Variants in SEMA6D observed in about 807,000 individuals in gnomAD.
SEMA6D encodes the protein semaphorin-6D.
A neutral mutation model predicts 106.6 loss-of-function variants in SEMA6D; 35 were observed. The ratio of observed to expected loss-of-function variants is 0.33; its 90% CI spans 0.25 to 0.44. The LOEUF (loss-of-function observed/expected upper bound fraction) is 0.44, where lower values mean the gene tolerates loss of function less well. Among genes scored for constraint, SEMA6D ranks in the 20% least tolerant of loss-of-function variants. The probability of loss-of-function intolerance (pLI) is 1.00; values close to 1 mark genes in which losing one functional copy is unlikely to be tolerated. For missense variants in SEMA6D, 1,185 were observed against 1,345.9 expected (o/e 0.88, Z 1.87); for synonymous variants, 499 against 487.7 (o/e 1.02, Z -0.31).
intron 4 of SEMA6D, among the ~76,000 whole-genome samples, chr15:47,629,240 T>C (rs1014172747): frequency 2.6e-5 from 4 of 152,026 alleles, no homozygotes; most frequent in African/African-American, 9.7e-5. Flanking sequence ...TTTTTCAGTA[T>C]TATTTTAGCT....
intron 3 of SEMA6D, among the ~76,000 whole-genome samples, chr15:47,526,821 C>T (rs1056665182): frequency 1.3e-5 from 2 of 152,104 alleles, no homozygotes; most frequent in Admixed American, 6.5e-5. Context: ...ACTGCAACCT[C>T]CGCCTCCCGG....
chr15:47,632,971 T>C (rs916884661), intron 4 of SEMA6D, among the ~76,000 whole-genome samples: 1 of 152,044 alleles, frequency 6.6e-6, no homozygotes, highest in Admixed American at 6.6e-5. Context: ...ATATAACTTA[T>C]CATAGTCTAC....
intron 1 of SEMA6D, among the ~76,000 whole-genome samples, chr15:47,336,675 A>G (rs1301451297): frequency 6.6e-6 from 1 of 152,162 alleles, no homozygotes; most frequent in Non-Finnish European, 1.5e-5. Context: ...AATGGTTTAT[A>G]CAGGAGTGTG....
intron 1 of SEMA6D, among the ~76,000 whole-genome samples, chr15:47,720,489 G>A (rs1286834624): frequency 6.6e-6 from 1 of 152,016 alleles, no homozygotes; most frequent in African/African-American, 2.4e-5. Context: ...TTGAAAGATG[G>A]CTGTGATGTA....
chr15:47,669,062 A>C (rs112142675), intron 4 of SEMA6D, among the ~76,000 whole-genome samples: 216 of 152,150 alleles, frequency 1.4e-3, no homozygotes, highest in African/African-American at 5.0e-3. Flanking sequence ...CTATTTTTCT[A>C]TCTCTCTTTT....
At chr15:47,424,738 C>T (rs1015606038) in intron 2 of SEMA6D, among the ~76,000 whole-genome samples, 2 of 152,194 alleles carry the variant, frequency 1.3e-5, no homozygotes, top group Admixed American at 6.5e-5. Flanking sequence ...GAATTTTTCC[C>T]TTCCACTTCT....
At chr15:47,418,478 G>T (rs1451408397) in intron 2 of SEMA6D, among the ~76,000 whole-genome samples, 3 of 151,996 alleles carry the variant, frequency 2.0e-5, no homozygotes, top group Admixed American at 6.6e-5. Flanking sequence ...TTCATAGGCC[G>T]AGCCTTCTGT....
intron 2 of SEMA6D, among the ~76,000 whole-genome samples, chr15:47,454,330 A>G (rs893690097): frequency 6.6e-6 from 1 of 151,936 alleles, no homozygotes; most frequent in African/African-American, 2.4e-5. Flanking sequence ...CAATTTTACA[A>G]CTTGTCATTT....
intron 1 of SEMA6D, among the ~76,000 whole-genome samples, chr15:47,277,201 A>T (rs1242960232): frequency 6.6e-6 from 1 of 152,162 alleles, no homozygotes; most frequent in African/African-American, 2.4e-5. Context: ...TGTTATGAAC[A>T]TTGTTGAAAT....
At chr15:47,738,744 A>T (rs1402357822) in intron 1 of SEMA6D, among the ~76,000 whole-genome samples, 1 of 152,218 alleles carries the variant, frequency 6.6e-6, no homozygotes, top group African/African-American at 2.4e-5. Flanking sequence ...CTTAGTGCTT[A>T]AAACTACCAC....
intron 3 of SEMA6D, among the ~76,000 whole-genome samples, chr15:47,590,216 TC>T (rs1263982750): frequency 2.0e-5 from 3 of 152,098 alleles, no homozygotes; most frequent in Non-Finnish European, 2.9e-5. Flanking sequence ...AAGAATGAGT[TC>T]ATGTCCTTTG....
intron 1 of SEMA6D, among the ~76,000 whole-genome samples, chr15:47,719,164 T>C (rs955119020): frequency 2.0e-5 from 3 of 146,370 alleles, no homozygotes; most frequent in Admixed American, 2.0e-4. Context: ...GGGGTGGGGG[T>C]GTGGAGGGGG....
chr15:47,760,242 C>A, intron 2 of SEMA6D, 62 bp from the exon 3 acceptor site: 1 of 1,139,540 alleles, frequency 8.8e-7, no homozygotes, highest in Non-Finnish European at 1.3e-6. Flanking sequence ...CTAATCAATG[C>A]TGTTTATTGA....
intron 1 of SEMA6D, among the ~76,000 whole-genome samples, chr15:47,405,287 ATT>A (rs1323297955): frequency 6.6e-6 from 1 of 152,036 alleles, no homozygotes. Flanking sequence ...TCTGAACAAA[ATT>A]TGGAGAGCTG....
chr15:47,505,811 T>C (rs1205955697), intron 3 of SEMA6D, among the ~76,000 whole-genome samples: 1 of 152,194 alleles, frequency 6.6e-6, no homozygotes, highest in Non-Finnish European at 1.5e-5. Flanking sequence ...GTTATCATAT[T>C]ATTCTTGGAG....
intron 3 of SEMA6D, among the ~76,000 whole-genome samples, chr15:47,518,150 GT>G (rs2044448200): frequency 6.6e-6 from 1 of 152,196 alleles, no homozygotes; most frequent in Admixed American, 6.5e-5. Flanking sequence ...GGAATTACAT[GT>G]GCATTTGTGG....
chr15:47,363,446 A>C (rs1000997848), intron 1 of SEMA6D, among the ~76,000 whole-genome samples: 1 of 152,218 alleles, frequency 6.6e-6, no homozygotes, highest in South Asian at 2.1e-4. Flanking sequence ...AAGAATTTCA[A>C]GATGGTAATA....
chr15:47,401,688 C>T (rs944438920), intron 1 of SEMA6D, among the ~76,000 whole-genome samples: 2 of 152,188 alleles, frequency 1.3e-5, no homozygotes, highest in African/African-American at 4.8e-5. Context: ...TGCCCAGTGA[C>T]TCTGCATATG....
At chr15:47,582,732 C>G (rs2076275997) in intron 3 of SEMA6D, among the ~76,000 whole-genome samples, 1 of 152,180 alleles carries the variant, frequency 6.6e-6, no homozygotes, top group Admixed American at 6.5e-5. Context: ...TCAGGCTGAG[C>G]TTCAAAGCAT....
Sources: allele counts gnomAD v4.1 joint callset (sites outside exome capture counted in the v4.1 genomes callset), GRCh38; gene constraint gnomAD v4.1.1; transcripts MANE v1.5; gene names NCBI Gene and HGNC (gene_info 2026-07-23, HGNC 2026-07-21).